Variants in TENM3 observed in about 807,000 individuals in gnomAD.
TENM3 encodes the protein teneurin-3.
Under a neutral mutation model 255.1 loss-of-function variants are expected in TENM3, and 63 were observed. The observed-to-expected ratio is 0.25, with a 90% CI of 0.20 to 0.30. The LOEUF (loss-of-function observed/expected upper bound fraction) is 0.30, where lower values mean the gene tolerates loss of function less well. Among genes scored for constraint, TENM3 ranks in the 10% least tolerant of loss-of-function variants. The pLI is 1.00. For synonymous variants in TENM3, 1,306 were observed against 1,322.3 expected (o/e 0.99, Z 0.27); for missense variants, 2,929 against 3,461.1 (o/e 0.85, Z 3.86).
the TENM3 span, among the ~76,000 whole-genome samples, chr4:181,742,238 G>C: frequency 3.3e-5 from 5 of 152,120 alleles, no homozygotes; most frequent in South Asian, 1.0e-3. Flanking sequence ...AATATAATTT[G>C]TGTTGTTATA....
At position 182,553,119 on chromosome 4, in the gene TENM3, G is replaced by A. The variant is rs141234342; in HGVS notation, c.512-47805G>A. Among the ~76,000 whole-genome samples the A allele has an allele frequency of 2.4e-4, 36 of 152,142 alleles. No individual in the cohort carries two copies. In the East Asian group the frequency reaches 7.0e-3, roughly 29 times the overall value. ...CTACTTTTTTAGACAGGGTCTCACTGTGTTGCCCAGGCCGTGGTGCAAGGG... is the reference window on the plus strand; with the variant it reads ...CTACTTTTTTAGACAGGGTCTCACTATGTTGCCCAGGCCGTGGTGCAAGGG... On this transcript the variant is annotated intron_variant, in intron 3 of 27. Transcript: ENST00000511685.
At chr4:181,973,682 GC>G in the TENM3 span, among the ~76,000 whole-genome samples, 2 of 152,194 alleles carry the variant, frequency 1.3e-5, no homozygotes, top group Non-Finnish European at 2.9e-5. Context: ...GATTGCTTGA[GC>G]CCAGGAGTTG....
intron 3 of TENM3, among the ~76,000 whole-genome samples, chr4:182,599,854 A>T (rs1747655770): frequency 6.6e-6 from 1 of 152,228 alleles, no homozygotes; most frequent in Admixed American, 6.5e-5. Context: ...CAAAATTGAC[A>T]TCTTATGTGT....
chr4:182,793,046 C>T lies in TENM3; in HGVS notation c.6374C>T (p.Thr2125Ile), dbSNP rs1307785003. The change falls in exon 26 of 28, where the codon ACC becomes ATC. Residue 2125 changes from threonine to isoleucine, a missense_variant. Physicochemically the swap from Thr to Ile is moderately conservative, Grantham distance 89. Transcript: ENST00000511685. The surrounding 1 kb of genome is among the most constrained non-coding windows in gnomAD (Gnocchi z 5.7). ...ATTAAAATAGGGCCCTTTGCCAACACCACCAAATATGCTTATGAATATGAT... is the reference window on the plus strand; with the variant it reads ...ATTAAAATAGGGCCCTTTGCCAACATCACCAAATATGCTTATGAATATGAT... ...REIKIGPFAN[T>I]TKYAYEYDVD... 2 of 1,613,822 alleles carry T rather than the reference C, an allele frequency of 1.2e-6. No individual in the cohort carries two copies. The highest frequency in any genetic ancestry group is 1.3e-5 in the African/African-American group (1 of 74,886).
chr4:182,230,921 G>A (rs1051319933), intron 1 of TENM3, among the ~76,000 whole-genome samples: 9 of 141,286 alleles, frequency 6.4e-5, no homozygotes, highest in African/African-American at 1.6e-4. Flanking sequence ...CCCCAGCAAC[G>A]GAGTGGGTGC....
At chr4:181,927,263 G>C in the TENM3 span, among the ~76,000 whole-genome samples, 1 of 152,246 alleles carries the variant, frequency 6.6e-6, no homozygotes, top group African/African-American at 2.4e-5. Context: ...AGCAAGCCAA[G>C]ATCCACTGGC....
intron 3 of TENM3, among the ~76,000 whole-genome samples, chr4:182,595,765 G>T (rs1215068220): frequency 6.6e-6 from 1 of 151,750 alleles, no homozygotes; most frequent in African/African-American, 2.4e-5. Context: ...AAAAATAATT[G>T]ATACCTTTTC....
the TENM3 span, among the ~76,000 whole-genome samples, chr4:181,991,108 A>G: frequency 5.9e-5 from 9 of 152,204 alleles, no homozygotes; most frequent in Non-Finnish European, 1.0e-4. Context: ...AATTACTTTC[A>G]TAAACAGGAA....
At chr4:181,990,507 G>T in the TENM3 span, among the ~76,000 whole-genome samples, 1 of 152,076 alleles carries the variant, frequency 6.6e-6, no homozygotes, top group Non-Finnish European at 1.5e-5. Flanking sequence ...AGAACCCTGT[G>T]ACTTTCAGCC....
At chr4:181,651,588 C>CAA in the TENM3 span, among the ~76,000 whole-genome samples, 3 of 109,776 alleles carry the variant, frequency 2.7e-5, no homozygotes, top group Admixed American at 9.5e-5. Flanking sequence ...GACTTGGTCT[C>CAA]AAAAAAAAAA....
the TENM3 span, among the ~76,000 whole-genome samples, chr4:181,835,429 A>G: frequency 6.6e-6 from 1 of 152,166 alleles, no homozygotes; most frequent in Non-Finnish European, 1.5e-5. Context: ...TAGTGAGTTA[A>G]TTTCACACAT....
intron 3 of TENM3, 59 bp from the exon 4 acceptor site, chr4:182,600,865 A>C: frequency 1.1e-6 from 1 of 895,766 alleles, no homozygotes; most frequent in Non-Finnish European, 1.6e-6. Context: ...TAGTGTGTAT[A>C]TACATATATA....
chr4:181,599,197 GC>G, the TENM3 span, among the ~76,000 whole-genome samples: 3 of 152,144 alleles, frequency 2.0e-5, no homozygotes, highest in Non-Finnish European at 2.9e-5. Context: ...ATTGAGCAGA[GC>G]TACCTTATTC....
the TENM3 span, among the ~76,000 whole-genome samples, chr4:182,046,767 CAAT>C: frequency 6.6e-6 from 1 of 152,050 alleles, no homozygotes; most frequent in East Asian, 1.9e-4. Context: ...GTATATAACA[CAAT>C]AATTTCTGCC....
At chr4:181,593,806 T>C in the TENM3 span, among the ~76,000 whole-genome samples, 4 of 152,194 alleles carry the variant, frequency 2.6e-5, no homozygotes, top group Non-Finnish European at 2.9e-5. Flanking sequence ...GTGGTATATA[T>C]TGATGTGACA....
intron 1 of TENM3, among the ~76,000 whole-genome samples, chr4:182,152,367 T>C (rs1750405794): frequency 6.6e-6 from 1 of 151,996 alleles, no homozygotes; most frequent in African/African-American, 2.4e-5. Context: ...AATTTTAATT[T>C]AAACAAAAAT....
At chr4:181,965,070 G>T in the TENM3 span, among the ~76,000 whole-genome samples, 1 of 152,126 alleles carries the variant, frequency 6.6e-6, no homozygotes, top group African/African-American at 2.4e-5. Flanking sequence ...TTTTCTGTTA[G>T]ATGTGTAAAA....
the TENM3 span, chr4:181,523,012 A>G: frequency 1.6e-6 from 1 of 637,168 alleles, no homozygotes; most frequent in African/African-American, 1.8e-5. Flanking sequence ...TCAGTCCTAT[A>G]ATTTGAAGAT....
chr4:181,721,548 C>T, the TENM3 span, among the ~76,000 whole-genome samples: 2 of 40,156 alleles, frequency 5.0e-5, no homozygotes, highest in Non-Finnish European at 1.1e-4. Flanking sequence ...TGCAGTGAGC[C>T]GAGATCGCGC....
Sources: allele counts gnomAD v4.1 joint callset (sites outside exome capture counted in the v4.1 genomes callset), GRCh38; gene constraint gnomAD v4.1.1; non-coding constraint Gnocchi (gnomAD v3.1); transcripts MANE v1.5; gene names NCBI Gene and HGNC (gene_info 2026-07-23, HGNC 2026-07-21).